Variants in PCDHA10 observed in about 807,000 individuals in gnomAD.
PCDHA10 encodes protocadherin alpha 10, also known as protocadherin alpha-10.
Under a neutral mutation model 61.2 loss-of-function variants are expected in PCDHA10, and 45 were observed. The observed-to-expected ratio is 0.74, with a 90% CI of 0.58 to 0.94. The LOEUF is 0.94. PCDHA10 is among the 40% of genes least tolerant of loss of function. PCDHA10 has a pLI of 0.00. For synonymous variants in PCDHA10, 602 were observed against 548.8 expected (o/e 1.10, Z -1.35); for missense variants, 1,278 against 1,236.2 (o/e 1.03, Z -0.51).
In PCDHA10 at chr5:141,010,432, C is replaced by T; in HGVS notation, c.*495C>T. On this transcript the variant is annotated 3_prime_UTR_variant, in exon 4 of 4. Coordinates refer to ENST00000307360, the MANE Select transcript of PCDHA10 (RefSeq NM_018901.4). The stretch of plus-strand genomic sequence containing the variant: ...AATTGGTACAAGGAAGGCAAGAAAA[C>T]AAAGACAAATAAACAGCGGAAGTTA... 1 of 1,056,970 alleles carries T rather than the reference C, an allele frequency of 9.5e-7. No individual in the cohort carries two copies. The highest frequency in any genetic ancestry group is 1.3e-6 in the Non-Finnish European group (1 of 756,282). 65.5% of individuals were successfully genotyped at this position (1,056,970 alleles called of 1,614,324 possible).
chr5:140,970,427 GGTGTTA>G (rs1442614278), intron 1 of PCDHA10, among the ~76,000 whole-genome samples: 6 of 152,192 alleles, frequency 3.9e-5, no homozygotes, highest in Admixed American at 3.3e-4. Context: ...TGTAGAGGCA[GGTGTTA>G]GTATATGCAC....
At chr5:140,909,344 C>T (rs900022411) in intron 1 of PCDHA10, among the ~76,000 whole-genome samples, 1 of 152,164 alleles carries the variant, frequency 6.6e-6, no homozygotes, top group Non-Finnish European at 1.5e-5. Context: ...TACCAGGTAC[C>T]AAGAGATGTG....
At chr5:140,926,738 G>T in intron 1 of PCDHA10, 1 of 1,162,106 alleles carries the variant, frequency 8.6e-7, no homozygotes, top group Non-Finnish European at 1.1e-6. Context: ...TTCGGGAGGC[G>T]CAACGTCGGC....
chr5:140,911,885 A>T (rs1242639819), intron 1 of PCDHA10, among the ~76,000 whole-genome samples: 1 of 152,216 alleles, frequency 6.6e-6, no homozygotes, highest in Non-Finnish European at 1.5e-5. Flanking sequence ...TCCTGGGACC[A>T]AAATCTGTAT....
intron 1 of PCDHA10, chr5:140,863,447 G>A: frequency 1.7e-6 from 1 of 575,684 alleles, no homozygotes; most frequent in Non-Finnish European, 3.3e-6. Flanking sequence ...CTTACTCGCA[G>A]CAAAGGAGAT....
intron 1 of PCDHA10, chr5:140,883,583 G>T (rs782212784): frequency 2.5e-6 from 4 of 1,613,916 alleles, no homozygotes; most frequent in Non-Finnish European, 3.4e-6. Context: ...GTGGGCCACG[G>T]CCAGCGTGTC....
intron 1 of PCDHA10, among the ~76,000 whole-genome samples, chr5:140,901,330 C>T (rs576918477): frequency 6.6e-6 from 1 of 152,108 alleles, no homozygotes; most frequent in African/African-American, 2.4e-5. Flanking sequence ...TTCTTGTAGT[C>T]GTTTTATAGT....
At chr5:140,883,390 G>T (rs373348994) in intron 1 of PCDHA10, 4 of 1,614,050 alleles carry the variant, frequency 2.5e-6, no homozygotes, top group East Asian at 4.5e-5. Context: ...TAATCAGTGT[G>T]TCCGATCGTG....
intron 1 of PCDHA10, chr5:140,870,875 C>T (rs1235290760): frequency 3.7e-6 from 6 of 1,613,912 alleles, no homozygotes; most frequent in Non-Finnish European, 5.1e-6. Context: ...CACGTGGTGG[C>T]GAAGGTGCGC....
At chr5:140,880,687 C>G (rs999356626) in intron 1 of PCDHA10, among the ~76,000 whole-genome samples, 1 of 152,130 alleles carries the variant, frequency 6.6e-6, no homozygotes, top group Non-Finnish European at 1.5e-5. Context: ...AGAGAATAGT[C>G]ATGGTTAAGT....
chr5:140,999,673 T>G (rs2097868835), intron 3 of PCDHA10, among the ~76,000 whole-genome samples: 1 of 152,050 alleles, frequency 6.6e-6, no homozygotes, highest in Non-Finnish European at 1.5e-5. Context: ...TGCGGGGGGC[T>G]CACAGAAAGA....
chr5:141,005,662 A>G (rs2098227817), intron 3 of PCDHA10, among the ~76,000 whole-genome samples: 1 of 138,324 alleles, frequency 7.2e-6, no homozygotes, highest in East Asian at 2.2e-4. Context: ...AGATCGCGCC[A>G]CTGCACTCCA....
At chr5:140,959,567 T>A (rs2095496193) in intron 1 of PCDHA10, among the ~76,000 whole-genome samples, 1 of 152,208 alleles carries the variant, frequency 6.6e-6, no homozygotes, top group Non-Finnish European at 1.5e-5. Context: ...AGTACTAGAT[T>A]TTTTGTTTCA....
chr5:140,899,465 T>C (rs1291429349), intron 1 of PCDHA10, among the ~76,000 whole-genome samples: 2 of 152,232 alleles, frequency 1.3e-5, no homozygotes, highest in African/African-American at 4.8e-5. Context: ...GTTTTTGTCT[T>C]TGGTTCTGTT....
chr5:140,877,668 C>A (rs782433528), intron 1 of PCDHA10: 58 of 1,613,452 alleles, frequency 3.6e-5, no homozygotes, highest in Admixed American at 5.0e-5. Flanking sequence ...TGAGCCGGTG[C>A]GCGCCGGGCA....
intron 1 of PCDHA10, chr5:140,884,171 C>T (rs781800470): frequency 6.2e-7 from 1 of 1,613,414 alleles, no homozygotes; most frequent in Admixed American, 1.7e-5. Context: ...CAGCACGACG[C>T]GCCCTCTGGA....
chr5:140,977,541 G>A (rs1164108305), intron 1 of PCDHA10, among the ~76,000 whole-genome samples: 2 of 152,188 alleles, frequency 1.3e-5, no homozygotes, highest in Non-Finnish European at 2.9e-5. Context: ...GAAGCAGCTT[G>A]CATATGCATA....
Position 140,877,874 on chromosome 5 carries a change from C to T in PCDHA10, c.2388+19438C>T, listed in dbSNP as rs782471585. The T allele has an allele frequency of 2.7e-6, 4 of 1,477,338 alleles. No homozygotes were observed. The African/African-American group carries it at 5.7e-5, about 21-fold the overall frequency. The allele number at this position is 1,477,338 out of a possible 1,614,324, so 91.5% of individuals were successfully genotyped here. ...TAATATTATTTAGATATATTTGTTT[C>T]CTTGAAGAACTTCCGTTTAGGTTAT... is the stretch of plus-strand genomic sequence containing the variant. On this transcript the variant is annotated intron_variant, in intron 1 of 3. Transcript: ENST00000307360.
chr5:140,977,122 AG>A (rs2096747423), intron 1 of PCDHA10, among the ~76,000 whole-genome samples: 1 of 152,226 alleles, frequency 6.6e-6, no homozygotes, highest in South Asian at 2.1e-4. Flanking sequence ...TAATGAACTG[AG>A]TTTCCTGGTC....
Sources: gnomAD v4.1 joint callset for allele counts (sites outside exome capture counted in the v4.1 genomes callset) on GRCh38, gnomAD v4.1.1 for gene constraint, MANE v1.5 for transcripts, NCBI Gene and HGNC (gene_info 2026-07-23, HGNC 2026-07-21) for gene names.